The following ANGEL1 variants were observed in gnomAD, a reference collection of about 807,000 sequenced individuals.
ANGEL1 encodes the protein angel homolog 1, also known as RNA 2',3'-cyclic phosphatase ANGEL1.
Under a neutral mutation model 76.4 loss-of-function variants are expected in ANGEL1, and 62 were observed. The ratio of observed to expected loss-of-function variants is 0.81; its 90% CI spans 0.66 to 1.00. The LOEUF (loss-of-function observed/expected upper bound fraction) is 1.00. Among genes scored for constraint, ANGEL1 ranks in the 50% least tolerant of loss-of-function variants. The probability of loss-of-function intolerance (pLI) is 0.00; values close to 1 mark genes in which losing one functional copy is unlikely to be tolerated. For missense variants in ANGEL1, 737 were observed against 836.7 expected, an observed-to-expected ratio of 0.88 and a Z score of 1.47; for synonymous variants, 340 against 331.7, an observed-to-expected ratio of 1.03 and a Z score of -0.27.
intron 7 of ANGEL1, among the ~76,000 whole-genome samples, chr14:76,796,261 CTTTTT>C (rs1249373857): frequency 7.3e-6 from 1 of 136,134 alleles, no homozygotes; most frequent in South Asian, 2.3e-4. Flanking sequence ...TTTTCTTTTT[CTTTTT>C]TTTTTTTTGA....
chr14:76,810,244 A>C (rs1037588120), intron 1 of ANGEL1: 2 of 455,022 alleles, frequency 4.4e-6, no homozygotes, highest in Non-Finnish European at 8.8e-6. Flanking sequence ...CAACATAACG[A>C]AACTTCATCT....
intron 1 of ANGEL1, chr14:76,810,301 G>A (rs1488771402): frequency 2.3e-6 from 1 of 438,460 alleles, no homozygotes; most frequent in East Asian, 7.1e-5. Flanking sequence ...CATGCCCATG[G>A]TCCTAGCTAC....
intron 5 of ANGEL1, 26 bp from the exon 6 acceptor site, chr14:76,803,938 T>A: frequency 6.2e-7 from 1 of 1,614,072 alleles, no homozygotes; most frequent in Non-Finnish European, 8.5e-7. Flanking sequence ...AGGGTGGGAA[T>A]AAGGAAACCA....
At chr14:76,795,814 G>A (rs948494146) in intron 7 of ANGEL1, among the ~76,000 whole-genome samples, 4 of 152,126 alleles carry the variant, frequency 2.6e-5, no homozygotes, top group African/African-American at 4.8e-5. Context: ...TCTTGATTCC[G>A]CTGCATCTGG....
intron 7 of ANGEL1, among the ~76,000 whole-genome samples, chr14:76,801,161 A>G (rs958276090): frequency 6.7e-6 from 1 of 148,920 alleles, no homozygotes; most frequent in African/African-American, 2.5e-5. Context: ...CCCAAGCTGG[A>G]GTGCAATGGT....
rs765748994 is a variant in ANGEL1 at position 76,809,132 on chromosome 14, C to G, written c.576G>C (p.Gln192His). ...CAAAGGGCCAGATGGAAGCCTCTTC[C>G]TGGGGCACAGGCTCAGGTGCTATGC... ...AWSIAPEPVP[Q>H]EEASIWPFEG... Residue 192 changes from glutamine to histidine, a missense_variant, in exon 2 of 10, where the codon CAG becomes CAC. Gln to His is a conservative substitution (Grantham distance 24). Coordinates refer to ENST00000251089, the MANE Select transcript of ANGEL1 (RefSeq NM_015305.4). The G allele has an allele frequency of 1.9e-6, 3 of 1,614,200 alleles. No individual in the cohort carries two copies. The highest frequency in any genetic ancestry group is 1.1e-5 in the South Asian group (1 of 91,090).
At chr14:76,812,015 G>T (rs1895101603) in intron 1 of ANGEL1, among the ~76,000 whole-genome samples, 1 of 152,162 alleles carries the variant, frequency 6.6e-6, no homozygotes, top group East Asian at 1.9e-4. Context: ...CGAGTTCCAT[G>T]GGATCTCAGA....
chr14:76,793,614 C>G (rs1340460329), intron 7 of ANGEL1, among the ~76,000 whole-genome samples: 1 of 135,214 alleles, frequency 7.4e-6, no homozygotes, highest in Admixed American at 7.7e-5. Flanking sequence ...AAATTTCATA[C>G]GGGAATGCAA....
At position 76,806,422 on chromosome 14, in the gene ANGEL1, G is replaced by A; in HGVS notation, c.1374C>T (p.Ala458=). ...GTGGCCTCTCCCATTTCACCTTCCA[G>A]GCTGGCATCCCATGGTACTGGAGCT... The part of the protein sequence containing the change: ...DGELQYHGMP[A]WKVSGQEDFS... The change falls in exon 5 of 10, where the codon GCC becomes GCT. Residue 458 remains alanine, a synonymous_variant. Coordinates refer to ENST00000251089, the MANE Select transcript of ANGEL1 (RefSeq NM_015305.4). 1.9e-6 allele frequency: 3 copies of A among 1,609,166 alleles called. No homozygotes were observed. The highest frequency in any genetic ancestry group is 2.6e-6 in the Non-Finnish European group (3 of 1,176,072).
At chr14:76,808,517 C>G (rs1894988792) in intron 2 of ANGEL1, among the ~76,000 whole-genome samples, 1 of 147,978 alleles carries the variant, frequency 6.8e-6, no homozygotes, top group Non-Finnish European at 1.5e-5. Context: ...AATTGCAGCC[C>G]TGGGTGTTTT....
Position 76,786,634 on chromosome 14 carries a change from C to G in ANGEL1, c.*2594G>C, listed in dbSNP as rs1267908561. The G allele has an allele frequency of 1.3e-5, 2 of 152,116 alleles. No individual in the cohort carries two copies. The highest frequency in any genetic ancestry group is 4.8e-5 in the African/African-American group (2 of 41,394). 9.4% of individuals were successfully genotyped at this position (152,116 alleles called of 1,614,324 possible). The stretch of plus-strand genomic sequence containing the variant: ...GAAAACCAGATCTGGTTTCAGGGCT[C>G]CCAGTGGGCATGTGGGCTTGGCTGG... On this transcript the variant is annotated 3_prime_UTR_variant, in exon 10 of 10. Coordinates refer to ENST00000251089, the MANE Select transcript of ANGEL1 (RefSeq NM_015305.4).
At chr14:76,808,579 C>T (rs1320400827) in intron 2 of ANGEL1, among the ~76,000 whole-genome samples, 1 of 152,156 alleles carries the variant, frequency 6.6e-6, no homozygotes, top group Non-Finnish European at 1.5e-5. Context: ...TGGTGTGTCC[C>T]CATCTCCCCT....
In ANGEL1 at chr14:76,794,021, T is replaced by C. The variant is rs1292087419; in HGVS notation, c.1619-2655A>G. 2.6e-5 allele frequency among the ~76,000 whole-genome samples: 4 copies of C among 152,138 alleles called. No individual in the cohort carries two copies. The East Asian group carries it at 7.7e-4, about 29-fold the overall frequency. ...AGGCGGACTACTATATACAAAACTA[T>C]AGTAACCAAGACAGTGTGGTTCTGG... On this transcript the variant is annotated intron_variant, in intron 7 of 9. Coordinates refer to ENST00000251089, the MANE Select transcript of ANGEL1 (RefSeq NM_015305.4).
chr14:76,787,652 C>G lies in ANGEL1; in HGVS notation c.*1576G>C, dbSNP rs1025823449. The G allele has an allele frequency of 6.6e-6, 1 of 152,642 alleles. No homozygotes were observed. The highest frequency in any genetic ancestry group is 6.5e-5 in the Admixed American group (1 of 15,286). 9.5% of individuals were successfully genotyped at this position (152,642 alleles called of 1,614,324 possible). A position where few individuals can be genotyped will look rare whatever the true frequency, so the allele number is the denominator to read the frequency against. ...CATGAATGCAGCAGCACAATGCAAA[C>G]TGGGTCTTTGGCTTTCAAAAAAAGG... On this transcript the variant is annotated 3_prime_UTR_variant, in exon 10 of 10. Coordinates refer to ENST00000251089, the MANE Select transcript of ANGEL1 (RefSeq NM_015305.4).
intron 1 of ANGEL1, 29 bp downstream of exon 1, chr14:76,812,735 T>C (rs762240286): frequency 6.7e-7 from 1 of 1,501,030 alleles, no homozygotes; most frequent in South Asian, 1.3e-5. Context: ...CTGGCCGGGC[T>C]CCTGTCTGTC....
Position 76,812,822 on chromosome 14 carries a change from G to A in ANGEL1, c.6C>T (p.Ile2=), listed in dbSNP as rs752281163. The change falls in exon 1 of 10, where the codon ATC becomes ATT. Residue 2 remains isoleucine, a synonymous_variant. Coordinates refer to ENST00000251089, the MANE Select transcript of ANGEL1 (RefSeq NM_015305.4). Reference sequence around the variant, plus strand: ...GCAGCAGGTAACACAAGCACGACGCGATCATGGCCGGCCGCCCGCGCCCGC... The same window carrying A: ...GCAGCAGGTAACACAAGCACGACGCAATCATGGCCGGCCGCCCGCGCCCGC... M[I]ASCLCYLLLP... is the part of the protein sequence containing the mutation. The A allele has an allele frequency of 3.3e-6, 5 of 1,513,356 alleles. No homozygotes were observed. Among genetic ancestry groups the A allele is most frequent in the Admixed American group, 4.1e-5 (2 of 48,926 alleles). The allele number at this position is 1,513,356 out of a possible 1,614,324, so 93.7% of individuals were successfully genotyped here.
Position 76,789,101 on chromosome 14 carries a change from A to C in ANGEL1, c.*127T>G. 17 of 1,235,664 alleles carry C rather than the reference A, an allele frequency of 1.4e-5. No individual in the cohort carries two copies. The highest frequency in any genetic ancestry group is 2.4e-5 in the East Asian group (1 of 41,778). 76.5% of individuals were successfully genotyped at this position (1,235,664 alleles called of 1,614,324 possible). On this transcript the variant is annotated 3_prime_UTR_variant, in exon 10 of 10. Coordinates refer to ENST00000251089, the MANE Select transcript of ANGEL1 (RefSeq NM_015305.4). ...AAAGTCTAACCGTGGGAAAAAGGGA[A>C]CGAGGAGGGGGAAGGGAGGGGATGT...
chr14:76,806,375 A>C, intron 5 of ANGEL1, 41 bp downstream of exon 5: 1 of 1,578,456 alleles, frequency 6.3e-7, no homozygotes, highest in South Asian at 1.2e-5. Flanking sequence ...AATCTCTCTT[A>C]GACCATGTTC....
intron 7 of ANGEL1, among the ~76,000 whole-genome samples, chr14:76,796,505 C>T (rs1286026677): frequency 6.6e-6 from 1 of 152,122 alleles, no homozygotes; most frequent in African/African-American, 2.4e-5. Context: ...AATCACTTGC[C>T]TCAGTCTCCC....
Sources: allele counts gnomAD v4.1 joint callset (sites outside exome capture counted in the v4.1 genomes callset), GRCh38; gene constraint gnomAD v4.1.1; transcripts MANE v1.5; gene names NCBI Gene and HGNC (gene_info 2026-07-23, HGNC 2026-07-21).